NHSL1: variants seen among roughly 807,000 people sequenced by gnomAD.
NHSL1 encodes the protein NHS-like protein 1.
NHSL1 carries 48 observed loss-of-function variants against 95.0 expected under a neutral mutation model. That is an observed-to-expected ratio of 0.51 (90% confidence interval 0.40 to 0.64). The LOEUF (loss-of-function observed/expected upper bound fraction) is 0.64, where lower values mean the gene tolerates loss of function less well. Among genes scored for constraint, NHSL1 ranks in the 30% least tolerant of loss-of-function variants. The pLI is 0.00. For synonymous variants in NHSL1, 783 were observed against 833.9 expected (o/e 0.94, Z 1.05); for missense variants, 1,971 against 2,077.7 (o/e 0.95, Z 1.00).
intron 1 of NHSL1, among the ~76,000 whole-genome samples, chr6:138,615,666 T>G (rs1406737983): frequency 6.6e-6 from 1 of 152,178 alleles, no homozygotes; most frequent in East Asian, 1.9e-4. Context: ...GAGACGGGGG[T>G]GTCCCCGTGT....
At chr6:138,669,253 C>A (rs774829689) in intron 1 of NHSL1, among the ~76,000 whole-genome samples, 2 of 152,104 alleles carry the variant, frequency 1.3e-5, no homozygotes, top group Non-Finnish European at 2.9e-5. Context: ...CCTACTGAAA[C>A]TGCAGCAAAG....
intron 1 of NHSL1, among the ~76,000 whole-genome samples, chr6:138,532,775 T>A (rs1327689797): frequency 1.3e-5 from 2 of 152,172 alleles, no homozygotes; most frequent in African/African-American, 4.8e-5. Context: ...CTGTTTTACA[T>A]GCAGAAATTT....
At chr6:138,687,386 G>A (rs1583481581) in intron 1 of NHSL1, among the ~76,000 whole-genome samples, 1 of 152,180 alleles carries the variant, frequency 6.6e-6, no homozygotes, top group Non-Finnish European at 1.5e-5. Flanking sequence ...TCTGACATCA[G>A]GACCAGCCAA....
At chr6:138,464,186 AG>A in intron 3 of NHSL1, 2 of 706,102 alleles carry the variant, frequency 2.8e-6, no homozygotes, top group Non-Finnish European at 2.4e-6. Context: ...CCTGGGCACC[AG>A]GGGCAGCCTG....
chr6:138,561,398 C>A (rs190566953), intron 1 of NHSL1, among the ~76,000 whole-genome samples: 2 of 152,282 alleles, frequency 1.3e-5, no homozygotes, highest in East Asian at 1.9e-4. Flanking sequence ...CAGGTTACTG[C>A]CACCTTCTTC....
chr6:138,685,137 C>T (rs1224043025), intron 1 of NHSL1, among the ~76,000 whole-genome samples: 2 of 151,976 alleles, frequency 1.3e-5, no homozygotes, highest in African/African-American at 2.4e-5. Flanking sequence ...TTGCTATTCT[C>T]GATTTTAAAA....
At chr6:138,545,291 A>G (rs1782747068) in intron 1 of NHSL1, among the ~76,000 whole-genome samples, 1 of 151,894 alleles carries the variant, frequency 6.6e-6, no homozygotes, top group Non-Finnish European at 1.5e-5. Flanking sequence ...TTTCTCTACT[A>G]CTGCTGTAAA....
At chr6:138,616,985 A>T (rs1297690595) in intron 1 of NHSL1, among the ~76,000 whole-genome samples, 1 of 152,204 alleles carries the variant, frequency 6.6e-6, no homozygotes, top group East Asian at 1.9e-4. Flanking sequence ...CCTAGGTGCA[A>T]TAGGAAATGC....
chr6:138,645,430 T>A (rs1183984899), intron 1 of NHSL1, among the ~76,000 whole-genome samples: 1 of 152,138 alleles, frequency 6.6e-6, no homozygotes, highest in African/African-American at 2.4e-5. Context: ...CATTAGCCTG[T>A]TTTATTTGTT....
At position 138,430,717 on chromosome 6, in the gene NHSL1, T is replaced by C; in HGVS notation, c.3628A>G (p.Lys1210Glu). 2 of 1,551,710 alleles carry C rather than the reference T, an allele frequency of 1.3e-6. No homozygotes were observed. The highest frequency in any genetic ancestry group is 1.4e-5 in the African/African-American group (1 of 73,164). ...TCTGCGGGCTCCACTGCAAAATCTTTCTGCGGAGGTGGTACCACCAGGAAC... is the reference window on the plus strand; with the variant it reads ...TCTGCGGGCTCCACTGCAAAATCTTCCTGCGGAGGTGGTACCACCAGGAAC... ...KLFLVVPPPQ[K>E]DFAVEPAENV... is the part of the protein sequence containing the mutation. Residue 1210 changes from lysine to glutamate, a missense_variant, in exon 6 of 8, where the codon AAA (lysine) becomes GAA (glutamate). Lys to Glu is a moderately conservative substitution (Grantham distance 56). Around this residue, in one of 3 missense-constraint regions of NHSL1, gnomAD observed 1,602 missense variants for 1,654.5 expected, o/e 0.97. Transcript: ENST00000343505. The surrounding 1 kb of genome is among the most constrained non-coding windows in gnomAD (Gnocchi z 4.7).
chr6:138,634,094 AATC>A (rs1388110630), intron 1 of NHSL1, among the ~76,000 whole-genome samples: 1 of 152,208 alleles, frequency 6.6e-6, no homozygotes, highest in African/African-American at 2.4e-5. Context: ...GCAAGAAACT[AATC>A]ATATCGCCAG....
upstream of NHSL1, among the ~76,000 whole-genome samples, chr6:138,503,511 A>G (rs1336892890): frequency 1.3e-5 from 2 of 152,214 alleles, no homozygotes; most frequent in Non-Finnish European, 2.9e-5. Context: ...GTCCAATAAT[A>G]AAGTTGTAAT....
At chr6:138,448,313 G>A (rs899745884) in intron 3 of NHSL1, among the ~76,000 whole-genome samples, 3 of 152,170 alleles carry the variant, frequency 2.0e-5, no homozygotes, top group Non-Finnish European at 2.9e-5. Context: ...AAGGGTAATC[G>A]ACTTTCGTGG....
upstream of NHSL1, among the ~76,000 whole-genome samples, chr6:138,692,983 G>A (rs1242764037): frequency 6.6e-6 from 1 of 151,140 alleles, no homozygotes; most frequent in Non-Finnish European, 1.5e-5. This position sits in a 1 kb window ranked among gnomAD's most constrained non-coding sequence, Gnocchi z 4.0. Context: ...GGGCAGGAAT[G>A]GGGTCCGAGC....
In NHSL1 at chr6:138,499,324, A is replaced by C. The variant is rs1340421917; in HGVS notation, c.-34T>G. On this transcript the variant is annotated 5_prime_UTR_variant, in exon 1 of 8. The change creates a new upstream start codon in the 5' untranslated region. Coordinates refer to ENST00000343505, the MANE Select transcript of NHSL1 (RefSeq NM_001144060.2). Reference sequence around the variant, plus strand: ...CACCTACATAGAGCTTAGAAATGTAAATCACATTAAAAGCTCAGCCCAGTA... The same window carrying C: ...CACCTACATAGAGCTTAGAAATGTACATCACATTAAAAGCTCAGCCCAGTA... 1.3e-6 allele frequency: 2 copies of C among 1,548,754 alleles called. No homozygotes were observed. The highest frequency in any genetic ancestry group is 2.0e-5 in the Admixed American group (1 of 50,692).
intron 2 of NHSL1, among the ~76,000 whole-genome samples, chr6:138,480,301 G>A (rs995569912): frequency 1.2e-4 from 19 of 152,188 alleles, no homozygotes; most frequent in African/African-American, 4.6e-4. Context: ...GGTTTCAGAT[G>A]CAGAAAATAC....
intron 1 of NHSL1, among the ~76,000 whole-genome samples, chr6:138,654,587 T>TA (rs372772940): frequency 8.1e-4 from 124 of 152,300 alleles, no homozygotes; most frequent in African/African-American, 2.9e-3. Flanking sequence ...TCTTTTTTTT[T>TA]ATGTGACAAA....
At chr6:138,458,440 C>T (rs1432918477) in intron 3 of NHSL1, among the ~76,000 whole-genome samples, 1 of 152,132 alleles carries the variant, frequency 6.6e-6, no homozygotes, top group Admixed American at 6.6e-5. Context: ...GCCTATAATC[C>T]CAGCACTTTG....
chr6:138,477,644 T>C (rs923242706), intron 2 of NHSL1, among the ~76,000 whole-genome samples: 6 of 152,138 alleles, frequency 3.9e-5, no homozygotes, highest in African/African-American at 1.4e-4. Flanking sequence ...AATAAATAAT[T>C]ATGTTTTAAA....
Sources: gnomAD v4.1 joint callset for allele counts (sites outside exome capture counted in the v4.1 genomes callset) on GRCh38, gnomAD v4.1.1 for gene constraint, gnomAD v4.1.1 regional missense constraint, Gnocchi (gnomAD v3.1) non-coding constraint, MANE v1.5 for transcripts, NCBI Gene and HGNC (gene_info 2026-07-23, HGNC 2026-07-21) for gene names.